COLEC10: variants seen among roughly 807,000 people sequenced by gnomAD.
COLEC10 encodes collectin-10.
In COLEC10, 22 loss-of-function variants were observed where a neutral mutation model predicts 28.4. The ratio of observed to expected loss-of-function variants is 0.78; its 90% confidence interval spans 0.55 to 1.11. The LOEUF (loss-of-function observed/expected upper bound fraction) is 1.11, where lower values mean the gene tolerates loss of function less well. COLEC10 is among the 50% of genes least tolerant of loss of function. The pLI, the probability that COLEC10 is intolerant of heterozygous loss-of-function variation, is 0.00. For synonymous variants in COLEC10, 125 were observed against 116.1 expected (o/e 1.08, Z -0.49); for missense variants, 361 against 344.1 (o/e 1.05, Z -0.39).
the COLEC10 span, among the ~76,000 whole-genome samples, chr8:118,973,438 G>A: frequency 7.2e-5 from 11 of 151,834 alleles, no homozygotes; most frequent in Non-Finnish European, 1.5e-5. Context: ...AAAGGCGGTG[G>A]GCCCAAAATG....
Position 119,107,390 on chromosome 8 carries a change from C to T in COLEC10, c.*1199C>T, listed in dbSNP as rs1295965726. Among the ~76,000 whole-genome samples the T allele has an allele frequency of 6.6e-6, 1 of 152,144 alleles. No individual in the cohort carries two copies. Among genetic ancestry groups the T allele is most frequent in the Non-Finnish European group, 1.5e-5 (1 of 68,010 alleles). Reference sequence around the variant, plus strand: ...AACTGTAGATCAAACCTCAAAGCAGCTTTCACTTGGAATTTAAAAATAAAC... The same window carrying T: ...AACTGTAGATCAAACCTCAAAGCAGTTTTCACTTGGAATTTAAAAATAAAC... On this transcript the variant is annotated 3_prime_UTR_variant, in exon 6 of 6. Coordinates refer to ENST00000332843, the MANE Select transcript of COLEC10 (RefSeq NM_006438.5).
intron 2 of COLEC10, among the ~76,000 whole-genome samples, chr8:119,024,699 T>C (rs1223830697): frequency 6.6e-6 from 1 of 152,086 alleles, no homozygotes; most frequent in East Asian, 1.9e-4. Flanking sequence ...TCTTCTTATA[T>C]AATACCCAAG....
chr8:119,102,315 T>TATTTTAATTTA (rs1815849601), intron 3 of COLEC10, 33 bp from the exon 4 acceptor site: 2 of 1,438,082 alleles, frequency 1.4e-6, no homozygotes, highest in Non-Finnish European at 1.9e-6. Context: ...ATTTTAATTT[T>TATTTTAATTTA]ATTTTATTTT....
chr8:119,069,629 A>AAAAAATAT (rs1554627284), intron 1 of COLEC10, among the ~76,000 whole-genome samples: 15 of 42,876 alleles, frequency 3.5e-4, no homozygotes, highest in Non-Finnish European at 6.1e-4. Flanking sequence ...AAAAAAAAAA[A>AAAAAATAT]ATATATATAT....
chr8:119,087,985 G>T (rs1240187699), intron 1 of COLEC10, among the ~76,000 whole-genome samples: 1 of 151,978 alleles, frequency 6.6e-6, no homozygotes, highest in African/African-American at 2.4e-5. Flanking sequence ...CTTTATAATT[G>T]CTCAATAGAC....
chr8:119,033,663 A>C (rs1363837903), intron 2 of COLEC10, among the ~76,000 whole-genome samples: 1 of 152,220 alleles, frequency 6.6e-6, no homozygotes, highest in East Asian at 1.9e-4. Context: ...GGTCATTAGA[A>C]AAATACAAAA....
intron 2 of COLEC10, among the ~76,000 whole-genome samples, chr8:119,045,013 C>A (rs910843256): frequency 5.3e-5 from 8 of 152,284 alleles, no homozygotes; most frequent in African/African-American, 1.9e-4. Flanking sequence ...TAATTTTAGA[C>A]TCCCATGTTC....
rs548105222 is a variant in COLEC10 at position 119,004,548 on chromosome 8, T to C, written n.123-4893T>C. On this transcript the variant is annotated intron_variant and non_coding_transcript_variant, in intron 1 of 6. Transcript: ENST00000521788. ...TGATATTCTCAATTCTTGATTGATA[T>C]ATTCAAGCATATATATCACCAAATA... Among the ~76,000 whole-genome samples the C allele has an allele frequency of 6.0e-4, 91 of 151,242 alleles. 1 individual carries two copies. The East Asian group carries it at 7.1e-3, about 12-fold the overall frequency.
chr8:119,026,376 A>C (rs1717948813), intron 2 of COLEC10, among the ~76,000 whole-genome samples: 1 of 152,104 alleles, frequency 6.6e-6, no homozygotes, highest in South Asian at 2.1e-4. Context: ...CAACATAGCA[A>C]GACCTCATCT....
rs1587070437 is a variant in COLEC10 at position 119,106,371 on chromosome 8, A to G, written c.*180A>G. The G allele has an allele frequency of 1.1e-5, 7 of 614,294 alleles. No homozygotes were observed. In the East Asian group the frequency reaches 2.0e-4, roughly 17 times the overall value. 38.1% of individuals were successfully genotyped at this position (614,294 alleles called of 1,614,324 possible). A position where few individuals can be genotyped will look rare whatever the true frequency, so the allele number is the denominator to read the frequency against. On this transcript the variant is annotated 3_prime_UTR_variant, in exon 6 of 6. Coordinates refer to ENST00000332843, the MANE Select transcript of COLEC10 (RefSeq NM_006438.5). ...TGTGATGATTTTCATATTTTCACACATGGTATATTATTGACCCAATAACTC... is the reference window on the plus strand; with the variant it reads ...TGTGATGATTTTCATATTTTCACACGTGGTATATTATTGACCCAATAACTC...
At chr8:118,976,235 A>C in the COLEC10 span, among the ~76,000 whole-genome samples, 7,870 of 152,110 alleles carry the variant, frequency 0.052, 317 homozygotes, top group East Asian at 0.16. Flanking sequence ...GGGAAATAAC[A>C]CTGGTTTTGA....
intron 2 of COLEC10, among the ~76,000 whole-genome samples, chr8:119,018,946 C>T (rs909787832): frequency 6.6e-6 from 1 of 152,118 alleles, no homozygotes; most frequent in African/African-American, 2.4e-5. Flanking sequence ...CTCTTTCTTC[C>T]ATTCCCATTT....
At chr8:118,990,216 A>T in the COLEC10 span, among the ~76,000 whole-genome samples, 1 of 152,188 alleles carries the variant, frequency 6.6e-6, no homozygotes, top group African/African-American at 2.4e-5. Context: ...AAAATATTTT[A>T]TCTAATATTA....
intron 2 of COLEC10, among the ~76,000 whole-genome samples, chr8:119,039,027 TGTTTCTACAAG>T (rs1203528293): frequency 6.6e-6 from 1 of 152,206 alleles, no homozygotes; most frequent in African/African-American, 2.4e-5. Context: ...CATCAAATTC[TGTTTCTACAAG>T]ATCAGGGCTC....
At chr8:119,004,197 A>C (rs911213200) in intron 1 of COLEC10, among the ~76,000 whole-genome samples, 1 of 152,016 alleles carries the variant, frequency 6.6e-6, no homozygotes, top group South Asian at 2.1e-4. Flanking sequence ...CTGGGGAAAT[A>C]GTTTCCTCCA....
chr8:118,966,857 C>T, the COLEC10 span, among the ~76,000 whole-genome samples: 2 of 152,062 alleles, frequency 1.3e-5, no homozygotes, highest in African/African-American at 2.4e-5. Context: ...GGCTGGCTTA[C>T]GTTTAAGCCT....
chr8:119,056,574 G>A (rs984682502), intron 2 of COLEC10, among the ~76,000 whole-genome samples: 10 of 151,988 alleles, frequency 6.6e-5, no homozygotes, highest in African/African-American at 2.4e-4. Context: ...GTTGCTGGCA[G>A]TAACACGGTG....
the COLEC10 span, among the ~76,000 whole-genome samples, chr8:118,953,229 GT>G: frequency 6.6e-6 from 1 of 152,154 alleles, no homozygotes; most frequent in Non-Finnish European, 1.5e-5. Flanking sequence ...CAGCATGCTG[GT>G]TTCTTAAGTG....
chr8:119,026,228 T>G (rs1181309259), intron 2 of COLEC10, among the ~76,000 whole-genome samples: 2 of 152,140 alleles, frequency 1.3e-5, no homozygotes, highest in African/African-American at 4.8e-5. Flanking sequence ...CTAAGTTCTT[T>G]GATTTTGGGA....
Sources: allele counts gnomAD v4.1 joint callset (sites outside exome capture counted in the v4.1 genomes callset), GRCh38; gene constraint gnomAD v4.1.1; transcripts MANE v1.5; gene names NCBI Gene and HGNC (gene_info 2026-07-23, HGNC 2026-07-21).